SMOC2: variants seen among roughly 807,000 people sequenced by gnomAD.
The protein encoded by SMOC2 is SPARC related modular calcium binding 2, also known as SPARC-related modular calcium-binding protein 2.
SMOC2 carries 39 observed loss-of-function variants against 61.4 expected under a neutral mutation model. The observed-to-expected ratio is 0.64, with a 90% CI of 0.49 to 0.83. The LOEUF (loss-of-function observed/expected upper bound fraction) is 0.83, where lower values mean the gene tolerates loss of function less well. Ranked by LOEUF, SMOC2 falls within the 40% of genes least tolerant of loss-of-function variation. The pLI, the probability that SMOC2 is intolerant of heterozygous loss-of-function variation, is 0.00. For missense variants in SMOC2, 556 were observed against 592.9 expected (o/e 0.94, Z 0.65); for synonymous variants, 247 against 239.9 (o/e 1.03, Z -0.27).
intron 2 of SMOC2, among the ~76,000 whole-genome samples, chr6:168,522,462 T>C (rs1783350649): frequency 6.6e-6 from 1 of 152,188 alleles, no homozygotes; most frequent in African/African-American, 2.4e-5. Context: ...CATGAGTGAA[T>C]GAATAAACAA....
chr6:168,633,124 C>T (rs778331412), intron 9 of SMOC2, among the ~76,000 whole-genome samples: 1 of 152,210 alleles, frequency 6.6e-6, no homozygotes, highest in Non-Finnish European at 1.5e-5. Context: ...TCATTTTCCT[C>T]CTCTGTGTCT....
intron 9 of SMOC2, among the ~76,000 whole-genome samples, chr6:168,621,484 C>T (rs371644216): frequency 4.6e-5 from 7 of 152,284 alleles, no homozygotes; most frequent in African/African-American, 1.2e-4. Context: ...CAATTTTGCT[C>T]TGTTAAGTAG....
chr6:168,459,274 C>T (rs1036421049), intron 1 of SMOC2, among the ~76,000 whole-genome samples: 3 of 152,160 alleles, frequency 2.0e-5, no homozygotes, highest in Admixed American at 6.5e-5. Context: ...GCTGTGCAAG[C>T]GTCTAGGGCT....
chr6:168,468,874 C>G (rs981361228), intron 1 of SMOC2, among the ~76,000 whole-genome samples: 2 of 152,224 alleles, frequency 1.3e-5, no homozygotes, highest in African/African-American at 4.8e-5. Flanking sequence ...TTCTGCAACT[C>G]TCAGTAATGT....
rs5881805 is a variant in SMOC2 at position 168,656,507 on chromosome 6, T to TAAAA, written c.1285+3299_1285+3302dup. ...TGGGTGACAAAGCAAGACTTTGTGTTAAAAAAAAAAAAAAAAAAAAAAAGA... is the reference window on the plus strand; with the variant it reads ...TGGGTGACAAAGCAAGACTTTGTGTTAAAAAAAAAAAAAAAAAAAAAAAAAAAGA... On this transcript the variant is annotated intron_variant, in intron 11 of 12. Coordinates refer to ENST00000356284, the MANE Select transcript of SMOC2 (RefSeq NM_001166412.2). Among the ~76,000 whole-genome samples, 248 of 86,780 alleles carry TAAAA rather than the reference T, an allele frequency of 2.9e-3. 4 individuals are homozygous for TAAAA. In the East Asian group the frequency reaches 0.03, roughly 11 times the overall value. The allele number at this position is 86,780 out of a possible 152,430, so 56.9% of individuals were successfully genotyped here.
In SMOC2 at chr6:168,625,410, G is replaced by A. The variant is rs73242452; in HGVS notation, c.907+17171G>A. Among the ~76,000 whole-genome samples the A allele has an allele frequency of 2.1e-3, 322 of 152,342 alleles. 1 individual carries two copies. Among genetic ancestry groups the A allele is most frequent in the African/African-American group, 7.3e-3 (304 of 41,588 alleles). ...ACTGGGTCCAGCTCCTCGCTGTGCC[G>A]GAGAGGCCCAGAGAGGTTCAGGACT... On this transcript the variant is annotated intron_variant, in intron 9 of 12. Coordinates refer to ENST00000356284, the MANE Select transcript of SMOC2 (RefSeq NM_001166412.2).
intron 9 of SMOC2, among the ~76,000 whole-genome samples, chr6:168,610,771 A>G (rs552910570): frequency 6.6e-6 from 1 of 150,428 alleles, no homozygotes; most frequent in Non-Finnish European, 1.5e-5. Context: ...ATTTTATTAT[A>G]TGGCACAAGA....
intron 2 of SMOC2, among the ~76,000 whole-genome samples, chr6:168,523,975 T>C (rs1236796501): frequency 6.6e-6 from 1 of 152,184 alleles, no homozygotes; most frequent in African/African-American, 2.4e-5. Flanking sequence ...GGAAATAGTA[T>C]AATTTTGAGG....
intron 4 of SMOC2, among the ~76,000 whole-genome samples, chr6:168,540,276 C>T (rs987312808): frequency 3.9e-5 from 6 of 152,218 alleles, no homozygotes; most frequent in African/African-American, 1.2e-4. Context: ...CCATTTGGTG[C>T]CCTCCTAGAG....
intron 9 of SMOC2, among the ~76,000 whole-genome samples, chr6:168,612,907 A>AT: frequency 6.6e-6 from 1 of 152,286 alleles, no homozygotes; most frequent in East Asian, 1.9e-4. Flanking sequence ...AAAACTTACA[A>AT]TGGAGACTTT....
intron 1 of SMOC2, among the ~76,000 whole-genome samples, chr6:168,487,985 G>A (rs1057333033): frequency 3.3e-5 from 5 of 152,170 alleles, no homozygotes; most frequent in Admixed American, 6.5e-5. Context: ...TGGTGATTTC[G>A]AGAGCAATAT....
At chr6:168,559,107 T>C (rs1055512341) in intron 7 of SMOC2, among the ~76,000 whole-genome samples, 5 of 152,226 alleles carry the variant, frequency 3.3e-5, no homozygotes, top group African/African-American at 4.8e-5. Flanking sequence ...GATTACAGAT[T>C]TGGCTTGAAG....
chr6:168,451,536 C>T (rs1347553951), intron 1 of SMOC2, among the ~76,000 whole-genome samples: 1 of 152,018 alleles, frequency 6.6e-6, no homozygotes, highest in East Asian at 1.9e-4. Flanking sequence ...GACATGATCT[C>T]CTGTGTCCTC....
chr6:168,653,711 A>G (rs28546821), intron 11 of SMOC2, among the ~76,000 whole-genome samples: 154 of 116,710 alleles, frequency 1.3e-3, no homozygotes, highest in African/African-American at 4.0e-3. Flanking sequence ...GCTCCAACCA[A>G]ATGTTAGGAA....
chr6:168,619,985 C>T (rs2342637), intron 9 of SMOC2, among the ~76,000 whole-genome samples: 98,675 of 152,116 alleles, frequency 0.65, 32,454 homozygotes, highest in South Asian at 0.72. Flanking sequence ...TCCGGACACA[C>T]GGGCTCTGTG....
At chr6:168,474,275 G>A (rs1212396324) in intron 1 of SMOC2, among the ~76,000 whole-genome samples, 1 of 152,092 alleles carries the variant, frequency 6.6e-6, no homozygotes, top group Non-Finnish European at 1.5e-5. Context: ...TGTGCATAAG[G>A]GGGAGGGACG....
At chr6:168,527,764 A>G (rs1783490788) in intron 4 of SMOC2, 37 bp downstream of exon 4, 1 of 1,377,738 alleles carries the variant, frequency 7.3e-7, no homozygotes, top group Admixed American at 2.0e-5. Flanking sequence ...GAAGGCTTGA[A>G]GGGAATTGGT....
chr6:168,634,201 C>G (rs1786651775), intron 9 of SMOC2, among the ~76,000 whole-genome samples: 1 of 152,140 alleles, frequency 6.6e-6, no homozygotes, highest in Non-Finnish European at 1.5e-5. Flanking sequence ...TAGGGGATTT[C>G]TAGAGCCTGT....
intron 1 of SMOC2, among the ~76,000 whole-genome samples, chr6:168,442,121 A>T (rs1227283760): frequency 6.6e-6 from 1 of 152,244 alleles, no homozygotes; most frequent in East Asian, 1.9e-4. Flanking sequence ...ATGATTCTTC[A>T]CGGGCCTGAG....
Sources: gnomAD v4.1 joint callset for allele counts (sites outside exome capture counted in the v4.1 genomes callset) on GRCh38, gnomAD v4.1.1 for gene constraint, MANE v1.5 for transcripts, NCBI Gene and HGNC (gene_info 2026-07-23, HGNC 2026-07-21) for gene names.